HORMAD2: variants seen among roughly 807,000 people sequenced by gnomAD.
HORMAD2 encodes HORMA domain-containing protein 2.
A neutral mutation model predicts 38.8 loss-of-function variants in HORMAD2; 45 were observed. The ratio of observed to expected loss-of-function variants is 1.16; its 90% CI spans 0.91 to 1.49. The LOEUF (loss-of-function observed/expected upper bound fraction) is 1.49. Among genes scored for constraint, HORMAD2 ranks in the 40% most tolerant of loss-of-function variants. The pLI is 0.00. For synonymous variants in HORMAD2, 126 were observed against 122.8 expected, an observed-to-expected ratio of 1.03 and a Z score of -0.17; for missense variants, 338 against 367.0, an observed-to-expected ratio of 0.92 and a Z score of 0.65.
At position 30,151,955 on chromosome 22, in the gene HORMAD2, A is replaced by G. The variant is rs1924778812; in HGVS notation, c.820-24108A>G. On this transcript the variant is annotated intron_variant, in intron 10 of 10. Coordinates refer to ENST00000336726, the MANE Select transcript of HORMAD2 (RefSeq NM_152510.4). ...AATGAAGCTGGTCTAAACATTAGGT[A>G]GAAATAAAAGCCTTCAGATAATCCT... is the stretch of plus-strand genomic sequence containing the variant. Among the ~76,000 whole-genome samples, 7 of 152,196 alleles carry G rather than the reference A, an allele frequency of 4.6e-5. No individual in the cohort carries two copies. In the South Asian group the frequency reaches 1.4e-3, roughly 31 times the overall value.
At chr22:30,098,811 T>C (rs1569085105) in intron 2 of HORMAD2, 41 bp from the exon 3 acceptor site, 18 of 1,562,570 alleles carry the variant, frequency 1.2e-5, no homozygotes, top group Non-Finnish European at 1.6e-5. Context: ...CTGAATATAT[T>C]AAATAATACT....
chr22:30,176,927 G>T lies in HORMAD2; in HGVS notation c.*760G>T, dbSNP rs532340773. On this transcript the variant is annotated 3_prime_UTR_variant, in exon 11 of 11. Transcript: ENST00000336726. ...GATGATTAGTATGAGATGAACAATA[G>T]ATGACTTAAAGTGTTATTTCTATTA... 1 of 152,850 alleles carries T rather than the reference G, an allele frequency of 6.5e-6. No homozygotes were observed. Among genetic ancestry groups the T allele is most frequent in the African/African-American group, 2.4e-5 (1 of 41,554 alleles). The allele number at this position is 152,850 out of a possible 1,614,324, so 9.5% of individuals were successfully genotyped here.
chr22:30,192,906 A>T, the HORMAD2 span, among the ~76,000 whole-genome samples: 1 of 152,188 alleles, frequency 6.6e-6, no homozygotes, highest in Non-Finnish European at 1.5e-5. Context: ...TGTTTGGCCC[A>T]TTTCATTTTT....
chr22:30,114,330 T>C (rs915088715), intron 7 of HORMAD2, among the ~76,000 whole-genome samples: 10 of 152,170 alleles, frequency 6.6e-5, no homozygotes, highest in Admixed American at 6.5e-5. Context: ...GCATATTGGG[T>C]AATACTAAAA....
chr22:30,186,994 T>C, the HORMAD2 span, among the ~76,000 whole-genome samples: 2 of 152,172 alleles, frequency 1.3e-5, no homozygotes, highest in African/African-American at 4.8e-5. Flanking sequence ...ACCCACCAAA[T>C]GTCAAGCATC....
the HORMAD2 span, among the ~76,000 whole-genome samples, chr22:30,196,488 C>T: frequency 6.6e-6 from 1 of 152,198 alleles, no homozygotes; most frequent in Non-Finnish European, 1.5e-5. Flanking sequence ...ATCACCATCG[C>T]GGTGGCCAGC....
At chr22:30,196,242 C>T in the HORMAD2 span, among the ~76,000 whole-genome samples, 4 of 152,206 alleles carry the variant, frequency 2.6e-5, no homozygotes, top group South Asian at 2.1e-4. Context: ...CCCCTGGTTT[C>T]AGCCGGAGAC....
At chr22:30,171,428 A>C (rs1440028645) in intron 10 of HORMAD2, among the ~76,000 whole-genome samples, 1 of 151,972 alleles carries the variant, frequency 6.6e-6, no homozygotes, top group Non-Finnish European at 1.5e-5. Context: ...GTTATTATTG[A>C]CCCATCTATC....
chr22:30,085,804 C>A (rs1039244177), intron 1 of HORMAD2, among the ~76,000 whole-genome samples: 2 of 152,126 alleles, frequency 1.3e-5, no homozygotes, highest in African/African-American at 4.8e-5. Flanking sequence ...TAGACTGACA[C>A]AACAGCTAGA....
At chr22:30,121,392 T>C (rs1922416868) in intron 8 of HORMAD2, among the ~76,000 whole-genome samples, 1 of 152,242 alleles carries the variant, frequency 6.6e-6, no homozygotes, top group Non-Finnish European at 1.5e-5. Context: ...ATGATTTTTT[T>C]CAAATCAAAT....
intron 10 of HORMAD2, among the ~76,000 whole-genome samples, chr22:30,162,318 TACACACACAC>T (rs71198531): frequency 1.1e-4 from 16 of 148,050 alleles, no homozygotes; most frequent in Admixed American, 2.0e-4. Context: ...CGTCTCAAAA[TACACACACAC>T]ACACACACAC....
At chr22:30,121,907 C>G in intron 9 of HORMAD2, 57 bp from the exon 10 acceptor site, 1 of 1,563,366 alleles carries the variant, frequency 6.4e-7, no homozygotes. Flanking sequence ...AAAGATTAAT[C>G]GGATTTGTTG....
chr22:30,140,021 T>C (rs867943669), intron 10 of HORMAD2, among the ~76,000 whole-genome samples: 4 of 152,078 alleles, frequency 2.6e-5, no homozygotes, highest in African/African-American at 7.2e-5. Context: ...AGGATTTTTG[T>C]GTCTAATGCA....
intron 5 of HORMAD2, among the ~76,000 whole-genome samples, chr22:30,110,310 G>A (rs1416727604): frequency 6.8e-6 from 1 of 147,726 alleles, no homozygotes; most frequent in Non-Finnish European, 1.5e-5. Flanking sequence ...TTATAGGAAA[G>A]AATCAGTTTT....
intron 10 of HORMAD2, among the ~76,000 whole-genome samples, chr22:30,149,792 T>C (rs1000640752): frequency 1.3e-5 from 2 of 152,174 alleles, no homozygotes; most frequent in African/African-American, 4.8e-5. Flanking sequence ...AAAAATATCA[T>C]CCATCTATTC....
chr22:30,204,982 G>T, the HORMAD2 span, among the ~76,000 whole-genome samples: 1 of 152,164 alleles, frequency 6.6e-6, no homozygotes, highest in East Asian at 1.9e-4. Context: ...TCCTGGAGCC[G>T]GCCCGGGGTG....
chr22:30,151,497 G>T (rs1924747737), intron 10 of HORMAD2, among the ~76,000 whole-genome samples: 1 of 151,990 alleles, frequency 6.6e-6, no homozygotes, highest in African/African-American at 2.4e-5. Context: ...TATTGCTTAA[G>T]AATTTCAACA....
upstream of HORMAD2, among the ~76,000 whole-genome samples, chr22:30,078,375 G>A (rs2068409874): frequency 6.6e-6 from 1 of 151,980 alleles, no homozygotes; most frequent in African/African-American, 2.4e-5. Context: ...GGAGGCTGAG[G>A]TGGGTGGATT....
intron 6 of HORMAD2, 41 bp downstream of exon 6, chr22:30,111,857 T>C: frequency 6.7e-7 from 1 of 1,501,074 alleles, no homozygotes; most frequent in Non-Finnish European, 9.0e-7. Flanking sequence ...TCTGTCTCTA[T>C]TTCATTGTCT....
Sources: allele counts gnomAD v4.1 joint callset (sites outside exome capture counted in the v4.1 genomes callset), GRCh38; gene constraint gnomAD v4.1.1; transcripts MANE v1.5; gene names NCBI Gene and HGNC (gene_info 2026-07-23, HGNC 2026-07-21).